Variants in PLD5 observed in about 807,000 individuals in gnomAD.
PLD5 encodes the protein phospholipase D family member 5, also known as inactive phospholipase D5.
A neutral mutation model predicts 61.1 loss-of-function variants in PLD5; 36 were observed. That is an observed-to-expected ratio of 0.59 (90% CI 0.45 to 0.78). PLD5 has a LOEUF of 0.78. Ranked by LOEUF, PLD5 falls within the 30% of genes least tolerant of loss-of-function variation. The pLI, the probability that PLD5 is intolerant of heterozygous loss-of-function variation, is 0.00. For synonymous variants in PLD5, 243 were observed against 242.8 expected (o/e 1.00, Z -0.01); for missense variants, 515 against 644.4 (o/e 0.80, Z 2.17).
chr1:242,466,993 A>G (rs1474281100), intron 1 of PLD5, among the ~76,000 whole-genome samples: 1 of 152,124 alleles, frequency 6.6e-6, no homozygotes, highest in Non-Finnish European at 1.5e-5. Context: ...TTCAAAGGCT[A>G]ACAAGTTTCA....
chr1:242,184,083 G>A (rs1010619629), intron 5 of PLD5, among the ~76,000 whole-genome samples: 1 of 152,132 alleles, frequency 6.6e-6, no homozygotes, highest in African/African-American at 2.4e-5. Context: ...GTTCAGCACT[G>A]CACAGCTTTT....
chr1:242,449,235 C>G, intron 1 of PLD5: 1 of 1,285,184 alleles, frequency 7.8e-7, no homozygotes, highest in Non-Finnish European at 1.1e-6. Context: ...AAGGACAGTG[C>G]CTCAGAGCTC....
intron 1 of PLD5, among the ~76,000 whole-genome samples, chr1:242,495,602 G>A (rs1361794646): frequency 6.6e-6 from 1 of 151,992 alleles, no homozygotes; most frequent in African/African-American, 2.4e-5. Context: ...TAGTGTTCAA[G>A]GAAAATTGGT....
At chr1:242,494,101 C>CTCCCCTCCCT (rs1668279040) in intron 1 of PLD5, among the ~76,000 whole-genome samples, 1 of 88,922 alleles carries the variant, frequency 1.1e-5, no homozygotes, top group African/African-American at 4.6e-5. Flanking sequence ...TTCCCCTCTC[C>CTCCCCTCCCT]TCCCCTCTCC....
At chr1:242,375,115 T>C (rs72763076) in intron 1 of PLD5, among the ~76,000 whole-genome samples, 13,575 of 152,198 alleles carry the variant, frequency 0.089, 651 homozygotes, top group African/African-American at 0.12. Flanking sequence ...ATCCCCGAGC[T>C]GCGTAACCAT....
Position 242,524,136 on chromosome 1 carries a change from C to T in PLD5, c.141G>A (p.Gln47=), listed in dbSNP as rs1293217155. The part of the protein sequence containing the change: ...GANFYSSVKQ[Q]DYSASVWLRR... ...GAAGCCAGACGCTGGCGCTGTAGTCCTGCTGCTTGACGCTGCTGTAGAAGT... is the reference window on the plus strand; with the variant it reads ...GAAGCCAGACGCTGGCGCTGTAGTCTTGCTGCTTGACGCTGCTGTAGAAGT... The change falls in exon 1 of 10, where the codon CAG becomes CAA. Residue 47 remains glutamine, a synonymous_variant. Transcript: ENST00000536534. 2.0e-6 allele frequency: 3 copies of T among 1,535,490 alleles called. No homozygotes were observed. Among genetic ancestry groups the T allele is most frequent in the Non-Finnish European group, 2.6e-6 (3 of 1,146,586 alleles).
intron 1 of PLD5, among the ~76,000 whole-genome samples, chr1:242,390,945 C>T (rs148153136): frequency 0.016 from 2,498 of 152,128 alleles, 77 homozygotes; most frequent in African/African-American, 0.058. Context: ...GTAATCCCAG[C>T]ACTTTGGGAG....
intron 2 of PLD5, among the ~76,000 whole-genome samples, chr1:242,291,696 C>T (rs1177296427): frequency 1.3e-5 from 2 of 152,090 alleles, no homozygotes; most frequent in South Asian, 4.2e-4. Context: ...GTCCCAGCTA[C>T]TCGGGAGGCT....
intron 2 of PLD5, among the ~76,000 whole-genome samples, chr1:242,319,714 G>C (rs937120148): frequency 6.6e-6 from 1 of 152,172 alleles, no homozygotes; most frequent in African/African-American, 2.4e-5. Flanking sequence ...GAACTGAAAA[G>C]TCATCTCTCC....
At chr1:242,212,389 C>CTA (rs1436651835) in intron 5 of PLD5, among the ~76,000 whole-genome samples, 3 of 152,168 alleles carry the variant, frequency 2.0e-5, no homozygotes, top group Admixed American at 6.5e-5. Flanking sequence ...TACGAAAAAA[C>CTA]ATTAAAGACC....
chr1:242,084,830 C>G lies in PLD5; in HGVS notation c.*5024G>C, dbSNP rs977961709. 4 of 116,404 alleles carry G rather than the reference C, an allele frequency of 3.4e-5. No individual in the cohort carries two copies. The highest frequency in any genetic ancestry group is 1.3e-4 in the African/African-American group (4 of 29,824). The allele number at this position is 116,404 out of a possible 1,614,324, so 7.2% of individuals were successfully genotyped here. ...AAAGATGCCTCCTTGTGTGAATATA[C>G]AAAACAGTGGGCCCATTGGACCAGT... On this transcript the variant is annotated 3_prime_UTR_variant, in exon 10 of 10. Coordinates refer to ENST00000536534, the MANE Select transcript of PLD5 (RefSeq NM_001372062.1).
chr1:242,512,149 C>T (rs776478798), intron 1 of PLD5, among the ~76,000 whole-genome samples: 12 of 151,618 alleles, frequency 7.9e-5, no homozygotes, highest in African/African-American at 1.7e-4. Flanking sequence ...CGGTGGTTCA[C>T]GCCTGTAATC....
chr1:242,159,561 G>T (rs1665661908), intron 5 of PLD5, among the ~76,000 whole-genome samples: 1 of 152,076 alleles, frequency 6.6e-6, no homozygotes, highest in African/African-American at 2.4e-5. Context: ...GTGGGGTACG[G>T]TTCTCCGAGG....
chr1:242,305,276 C>T (rs1232140643), intron 2 of PLD5, among the ~76,000 whole-genome samples: 3 of 152,334 alleles, frequency 2.0e-5, no homozygotes, highest in East Asian at 3.9e-4. Context: ...TGTGTTCCAG[C>T]GTCCTGCCCC....
At chr1:242,231,062 C>T (rs1338301237) in intron 4 of PLD5, among the ~76,000 whole-genome samples, 1 of 152,226 alleles carries the variant, frequency 6.6e-6, no homozygotes, top group Admixed American at 6.5e-5. Flanking sequence ...ATAACATTTA[C>T]TTGAGTAATA....
chr1:242,151,779 A>G (rs1664945797), intron 5 of PLD5, among the ~76,000 whole-genome samples: 1 of 152,038 alleles, frequency 6.6e-6, no homozygotes, highest in African/African-American at 2.4e-5. Context: ...ATAAATTTTA[A>G]TCCTTTTTAC....
chr1:242,117,978 T>C (rs1163624047), intron 6 of PLD5, among the ~76,000 whole-genome samples: 1 of 38,792 alleles, frequency 2.6e-5, no homozygotes, highest in Non-Finnish European at 4.1e-5. Context: ...GTCCAAATGC[T>C]CACATTTGTT....
At chr1:242,314,478 G>C (rs1289908545) in intron 2 of PLD5, among the ~76,000 whole-genome samples, 8 of 152,122 alleles carry the variant, frequency 5.3e-5, no homozygotes, top group Admixed American at 2.0e-4. Flanking sequence ...CCTATTACAG[G>C]AACAAACTTG....
intron 5 of PLD5, among the ~76,000 whole-genome samples, chr1:242,196,383 C>A (rs1668638011): frequency 6.6e-6 from 1 of 152,142 alleles, no homozygotes; most frequent in South Asian, 2.1e-4. Flanking sequence ...CGATACCCTG[C>A]AGGTGCAGGC....
Sources: allele counts gnomAD v4.1 joint callset (sites outside exome capture counted in the v4.1 genomes callset), GRCh38; gene constraint gnomAD v4.1.1; transcripts MANE v1.5; gene names NCBI Gene and HGNC (gene_info 2026-07-23, HGNC 2026-07-21).